Variants in TNPO3 observed in about 807,000 individuals in gnomAD.
TNPO3 encodes the protein transportin 3.
TNPO3 carries 65 observed loss-of-function variants against 122.8 expected under a neutral mutation model. The ratio of observed to expected loss-of-function variants is 0.53; its 90% CI spans 0.43 to 0.65. TNPO3 has a LOEUF of 0.65. TNPO3 is among the 30% of genes least tolerant of loss of function. The pLI, the probability that TNPO3 is intolerant of heterozygous loss-of-function variation, is 0.00. For missense variants in TNPO3, 850 were observed against 1,136.7 expected, an observed-to-expected ratio of 0.75 and a Z score of 3.63; for synonymous variants, 372 against 411.2, an observed-to-expected ratio of 0.90 and a Z score of 1.15.
Position 128,955,140 on chromosome 7 carries a change from C to A in TNPO3, c.*277G>T. 3.4e-6 allele frequency: 1 copy of A among 295,390 alleles called. No individual in the cohort carries two copies. Among genetic ancestry groups the A allele is most frequent in the Non-Finnish European group, 6.7e-6 (1 of 149,494 alleles). The allele number at this position is 295,390 out of a possible 1,614,324, so 18.3% of individuals were successfully genotyped here. A position where few individuals can be genotyped will look rare whatever the true frequency, so the allele number is the denominator to read the frequency against. ...TTATTTTTCCTTTTAGAAAGTTCAC[C>A]AGGAAACCAGCTCCCCTCCCACCAC... On this transcript the variant is annotated 3_prime_UTR_variant, in exon 23 of 23. Coordinates refer to ENST00000265388, the MANE Select transcript of TNPO3 (RefSeq NM_012470.4).
intron 1 of TNPO3, among the ~76,000 whole-genome samples, chr7:129,036,624 T>C (rs1372829410): frequency 6.6e-6 from 1 of 152,218 alleles, no homozygotes; most frequent in East Asian, 1.9e-4. Flanking sequence ...TAGAAAAATG[T>C]CCTTGTTCTT....
Position 129,001,083 on chromosome 7 carries a change from G to A in TNPO3, c.848C>T (p.Ala283Val). 1 of 1,614,126 alleles carries A rather than the reference G, an allele frequency of 6.2e-7. No individual in the cohort carries two copies. Among genetic ancestry groups the A allele is most frequent in the African/African-American group, 1.3e-5 (1 of 75,046 alleles). Residue 283 changes from alanine (A) to valine (V), a missense_variant, in exon 6 of 23, where the codon GCC (alanine) becomes GTC (valine). Transcript: ENST00000265388. ...VLTLETAYHM[A>V]VAREDLDKVL... ...CTTGTCTAAATCTTCACGTGCCACG[G>A]CCATATGATAGGCAGTCTCCAATGT... is the stretch of plus-strand genomic sequence containing the variant.
At chr7:129,009,091 T>C (rs1404158707) in intron 4 of TNPO3, among the ~76,000 whole-genome samples, 1 of 152,198 alleles carries the variant, frequency 6.6e-6, no homozygotes, top group Non-Finnish European at 1.5e-5. Context: ...AGCTTCAAGA[T>C]AAATGCCACA....
chr7:129,015,103 A>G lies in TNPO3; in HGVS notation c.428T>C (p.Leu143Ser). The change falls in exon 4 of 23, where the codon TTG becomes TCG. Residue 143 changes from leucine (L) to serine (S), a missense_variant. Transcript: ENST00000265388. ...AGGTAACACTGTAAGGATCTCCAGCAAAAAAGGCAAAGAAGTCACATCATT... is the reference window on the plus strand; with the variant it reads ...AGGTAACACTGTAAGGATCTCCAGCGAAAAAGGCAAAGAAGTCACATCATT... The part of the protein sequence containing the change: ...YSNDVTSLPF[L>S]LEILTVLPEE... The G allele has an allele frequency of 1.2e-6, 2 of 1,610,064 alleles. No individual in the cohort carries two copies. Among genetic ancestry groups the G allele is most frequent in the Non-Finnish European group, 1.7e-6 (2 of 1,179,112 alleles).
Position 129,000,595 on chromosome 7 carries a change from T to C in TNPO3, c.873-28A>G, listed in dbSNP as rs923371885. On this transcript the variant is annotated intron_variant, in intron 6 of 22. Coordinates refer to ENST00000265388, the MANE Select transcript of TNPO3 (RefSeq NM_012470.4). ...GTAGAAGACAGGGGAATGAGAACAA[T>C]GAGTCAGAAATCTGGATATTATAAG... 4 of 1,602,552 alleles carry C rather than the reference T, an allele frequency of 2.5e-6. No individual in the cohort carries two copies. In the Middle Eastern group the frequency reaches 5.8e-4, roughly 232 times the overall value.
intron 1 of TNPO3, among the ~76,000 whole-genome samples, chr7:129,020,146 CA>C (rs1211842310): frequency 2.0e-5 from 3 of 151,946 alleles, no homozygotes; most frequent in Non-Finnish European, 2.9e-5. Flanking sequence ...CGCCCCCCAC[CA>C]AAAAACCCCA....
intron 19 of TNPO3, among the ~76,000 whole-genome samples, chr7:128,971,662 A>T (rs961977084): frequency 6.6e-6 from 1 of 152,162 alleles, no homozygotes. Context: ...AATTCCTGTG[A>T]AGCACTTTAC....
chr7:128,988,082 T>C (rs1800361472), intron 11 of TNPO3, among the ~76,000 whole-genome samples: 4 of 151,758 alleles, frequency 2.6e-5, no homozygotes, highest in Admixed American at 2.6e-4. Context: ...CAAGTGATTC[T>C]CCCTGCCTCA....
rs777215405 is a variant in TNPO3, at chr7:129,000,499, G to A, written c.941C>T (p.Pro314Leu). 6.2e-7 allele frequency: 1 copy of A among 1,614,070 alleles called. No individual in the cohort carries two copies. Among genetic ancestry groups the A allele is most frequent in the Non-Finnish European group, 8.5e-7 (1 of 1,179,990 alleles). Reference sequence around the variant, plus strand: ...TCGAAGGTCCCCAAGACCTTGGCCTGGAGTACAAACAATTTTTTCAAGAAA... The same window carrying A: ...TCGAAGGTCCCCAAGACCTTGGCCTAGAGTACAAACAATTTTTTCAAGAAA... Reference protein sequence around the residue: ...ETFLEKIVCTPGQGLGDLRTL... With the variant: ...ETFLEKIVCTLGQGLGDLRTL... The change falls in exon 7 of 23, where the codon CCA becomes CTA. Residue 314 changes from proline (P) to leucine (L), a missense_variant. Physicochemically the swap from Pro to Leu is moderately conservative, Grantham distance 98. Transcript: ENST00000265388.
chr7:128,996,742 C>CAAAA (rs10618550), intron 8 of TNPO3, among the ~76,000 whole-genome samples: 38 of 69,910 alleles, frequency 5.4e-4, no homozygotes, highest in African/African-American at 2.0e-3. Flanking sequence ...GACTCCGTCT[C>CAAAA]AAAAAAAAAA....
intron 9 of TNPO3, among the ~76,000 whole-genome samples, chr7:128,992,987 C>A (rs1386960120): frequency 1.5e-5 from 2 of 129,702 alleles, no homozygotes; most frequent in Admixed American, 7.5e-5. Flanking sequence ...ATCCAGGGAT[C>A]TCATTTAAGT....
At chr7:129,014,798 C>A (rs1322827302) in intron 4 of TNPO3, among the ~76,000 whole-genome samples, 181 bp downstream of exon 4, 1 of 152,140 alleles carries the variant, frequency 6.6e-6, no homozygotes, top group Non-Finnish European at 1.5e-5. Context: ...GAGGATTATA[C>A]AGAAACTTAA....
intron 21 of TNPO3, among the ~76,000 whole-genome samples, chr7:128,959,588 G>A (rs1797236470): frequency 1.3e-5 from 2 of 152,202 alleles, no homozygotes; most frequent in African/African-American, 2.4e-5. Flanking sequence ...ACTTTAGTGC[G>A]ATAGGGTGAA....
chr7:128,999,660 G>C (rs1425053306), intron 7 of TNPO3, among the ~76,000 whole-genome samples: 2 of 147,192 alleles, frequency 1.4e-5, no homozygotes, highest in Admixed American at 1.4e-4. Context: ...TCCCAGGCTG[G>C]AGTGCAGTGG....
rs58743640 is a variant in TNPO3, at chr7:128,963,374, G to C, written c.2711+3906C>G. ...CTTATACTGTAACCAGCACTGAATG[G>C]AATAATGCAAAACAGAAGCAGAGAG... is the stretch of plus-strand genomic sequence containing the variant. On this transcript the variant is annotated intron_variant, in intron 21 of 22. Transcript: ENST00000265388. 2.0e-3 allele frequency among the ~76,000 whole-genome samples: 301 copies of C among 152,288 alleles called. 4 individuals carry two copies. The highest frequency in any genetic ancestry group is 6.8e-3 in the African/African-American group (283 of 41,548).
upstream of TNPO3, chr7:129,055,380 C>T (rs1809372972): frequency 6.4e-6 from 1 of 156,502 alleles, no homozygotes; most frequent in Non-Finnish European, 1.4e-5. Flanking sequence ...CCGACTGCCC[C>T]ATCCCTCTCC....
chr7:128,983,564 G>A lies in TNPO3; in HGVS notation c.1782+604C>T, dbSNP rs1458190512. Among the ~76,000 whole-genome samples, 4 of 152,278 alleles carry A rather than the reference G, an allele frequency of 2.6e-5. No homozygotes were observed. In the South Asian group the frequency reaches 6.2e-4, roughly 24 times the overall value. On this transcript the variant is annotated intron_variant, in intron 13 of 22. Coordinates refer to ENST00000265388, the MANE Select transcript of TNPO3 (RefSeq NM_012470.4). ...TGAGGCCACAGAAGGCAAGAGTTAA[G>A]TCACATCTATAGCCCATCAATCTTA...
At chr7:128,962,282 G>A (rs1016478275) in intron 21 of TNPO3, among the ~76,000 whole-genome samples, 2 of 151,278 alleles carry the variant, frequency 1.3e-5, no homozygotes, top group African/African-American at 2.4e-5. Context: ...GGAGAATGGC[G>A]TGAACCCGGG....
chr7:128,998,296 G>GC (rs1485407482), intron 7 of TNPO3, among the ~76,000 whole-genome samples: 1 of 152,070 alleles, frequency 6.6e-6, no homozygotes, highest in Non-Finnish European at 1.5e-5. Flanking sequence ...GGAGGCTGAG[G>GC]CTACAGTGAG....
Sources: allele counts gnomAD v4.1 joint callset (sites outside exome capture counted in the v4.1 genomes callset), GRCh38; gene constraint gnomAD v4.1.1; transcripts MANE v1.5; gene names NCBI Gene and HGNC (gene_info 2026-07-23, HGNC 2026-07-21).